BRINP3: variants seen among roughly 807,000 people sequenced by gnomAD.
BRINP3 encodes the protein BMP/retinoic acid inducible neural specific 3.
BRINP3 carries 19 observed loss-of-function variants against 71.0 expected under a neutral mutation model. The ratio of observed to expected loss-of-function variants is 0.27; its 90% confidence interval spans 0.19 to 0.39. The LOEUF is 0.39. Ranked by LOEUF, BRINP3 falls within the 10% of genes least tolerant of loss-of-function variation. The pLI is 1.00. For synonymous variants in BRINP3, 380 were observed against 337.7 expected (o/e 1.13, Z -1.37); for missense variants, 959 against 940.8 (o/e 1.02, Z -0.25).
intron 7 of BRINP3, among the ~76,000 whole-genome samples, chr1:190,131,749 T>C (rs543432525): frequency 6.6e-6 from 1 of 152,232 alleles, no homozygotes; most frequent in Admixed American, 6.6e-5. Flanking sequence ...CAGCTCTCCA[T>C]GATCTTGCTC....
chr1:190,160,862 T>A lies in BRINP3; in HGVS notation c.990A>T (p.Leu330=). ...ATGTGTTGAGGAAATAATTCATAGG[T>A]AGCCTTTTCATAAATAACTTGAATT... ...SDEFKLFMKR[L]PMNYFLNTST... is the part of the protein sequence containing the mutation. The change falls in exon 7 of 8, where the codon CTA becomes CTT. Residue 330 remains leucine (L), a synonymous_variant. Transcript: ENST00000367462. The A allele has an allele frequency of 6.2e-7, 1 of 1,606,494 alleles. No individual in the cohort carries two copies. The highest frequency in any genetic ancestry group is 2.2e-5 in the East Asian group (1 of 44,772).
chr1:190,200,138 C>G (rs1372718637), intron 6 of BRINP3, among the ~76,000 whole-genome samples: 1 of 152,080 alleles, frequency 6.6e-6, no homozygotes, highest in Non-Finnish European at 1.5e-5. Context: ...TCAGAGTCTA[C>G]CTGTGCCTTA....
At chr1:190,405,961 C>A (rs1165389268) in intron 2 of BRINP3, among the ~76,000 whole-genome samples, 1 of 152,134 alleles carries the variant, frequency 6.6e-6, no homozygotes, top group Non-Finnish European at 1.5e-5. Context: ...TCAACAAATT[C>A]CTGGTGATTT....
At chr1:190,396,690 G>A (rs566260192) in intron 2 of BRINP3, among the ~76,000 whole-genome samples, 279 of 116,682 alleles carry the variant, frequency 2.4e-3, no homozygotes, top group African/African-American at 8.5e-3. Context: ...ACAAACAAAC[G>A]CACTATGCAT....
intron 2 of BRINP3, among the ~76,000 whole-genome samples, chr1:190,320,835 C>A (rs1571739290): frequency 6.6e-6 from 1 of 152,146 alleles, no homozygotes; most frequent in East Asian, 1.9e-4. Context: ...TGAGAACGTA[C>A]AAACTCCACA....
chr1:190,351,680 A>C (rs934754613), intron 2 of BRINP3, among the ~76,000 whole-genome samples: 1 of 152,090 alleles, frequency 6.6e-6, no homozygotes, highest in Admixed American at 6.6e-5. Flanking sequence ...TAAGGTTTCT[A>C]TTAATTTCTA....
intron 4 of BRINP3, among the ~76,000 whole-genome samples, chr1:190,244,803 A>G (rs758308908): frequency 6.6e-6 from 1 of 152,086 alleles, no homozygotes; most frequent in Non-Finnish European, 1.5e-5. Flanking sequence ...CCAGTATAGT[A>G]TATTAGAACA....
At chr1:190,137,133 C>T (rs900062967) in intron 7 of BRINP3, among the ~76,000 whole-genome samples, 2 of 151,828 alleles carry the variant, frequency 1.3e-5, no homozygotes, top group Non-Finnish European at 2.9e-5. Flanking sequence ...TGACTCTTTT[C>T]GAATAAAACA....
intron 2 of BRINP3, among the ~76,000 whole-genome samples, chr1:190,365,180 T>C (rs1213574257): frequency 6.6e-6 from 1 of 152,120 alleles, no homozygotes; most frequent in African/African-American, 2.4e-5. Context: ...ATCAGAATCC[T>C]GCCTGACTCC....
intron 2 of BRINP3, among the ~76,000 whole-genome samples, chr1:190,442,408 T>A (rs549768181): frequency 5.4e-4 from 82 of 152,176 alleles, no homozygotes; most frequent in Non-Finnish European, 8.7e-4. Flanking sequence ...GTTTAATTAG[T>A]TAGCTACTAA....
At chr1:190,136,326 C>T (rs1047371123) in intron 7 of BRINP3, among the ~76,000 whole-genome samples, 3 of 151,996 alleles carry the variant, frequency 2.0e-5, no homozygotes, top group Non-Finnish European at 2.9e-5. Flanking sequence ...TTGTTTAACA[C>T]ATTGATTGGG....
chr1:190,120,401 C>A lies in BRINP3; in HGVS notation c.1185-21267G>T, dbSNP rs533558230. ...AAAACAGCAGGTTCATTGATTATGACACATTAATATTGTCATATAACTACT... is the reference window on the plus strand; with the variant it reads ...AAAACAGCAGGTTCATTGATTATGAAACATTAATATTGTCATATAACTACT... On this transcript the variant is annotated intron_variant, in intron 7 of 7. Transcript: ENST00000367462. 7.8e-4 allele frequency among the ~76,000 whole-genome samples: 119 copies of A among 152,206 alleles called. 1 individual carries two copies. The highest frequency in any genetic ancestry group is 2.8e-3 in the African/African-American group (118 of 41,516).
At position 190,179,733 on chromosome 1, in the gene BRINP3, A is replaced by T. The variant is rs891416708; in HGVS notation, c.962-18843T>A. 5.9e-5 allele frequency among the ~76,000 whole-genome samples: 9 copies of T among 152,268 alleles called. No individual in the cohort carries two copies. In the East Asian group the frequency reaches 1.7e-3, roughly 29 times the overall value. ...TCCAGTAAAATGCATCTGCTGTGGG[A>T]AATAGTTAGGACAATTTATCTACTA... On this transcript the variant is annotated intron_variant, in intron 6 of 7. Coordinates refer to ENST00000367462, the MANE Select transcript of BRINP3 (RefSeq NM_199051.3).
At chr1:190,204,580 C>T (rs1655329810) in intron 6 of BRINP3, among the ~76,000 whole-genome samples, 1 of 151,858 alleles carries the variant, frequency 6.6e-6, no homozygotes, top group African/African-American at 2.4e-5. Context: ...GAATGTCCTG[C>T]CTTCAGAAAA....
At chr1:190,233,806 T>C (rs1200201857) in intron 5 of BRINP3, among the ~76,000 whole-genome samples, 1 of 152,202 alleles carries the variant, frequency 6.6e-6, no homozygotes, top group Non-Finnish European at 1.5e-5. Flanking sequence ...AATAAAATAC[T>C]CTTTATTGAA....
At chr1:190,467,058 T>C (rs1218007137) in intron 1 of BRINP3, among the ~76,000 whole-genome samples, 1 of 151,542 alleles carries the variant, frequency 6.6e-6, no homozygotes, top group Non-Finnish European at 1.5e-5. Context: ...CATTTCTCTT[T>C]AATAGTTATT....
At chr1:190,357,633 G>A (rs1303242353) in intron 2 of BRINP3, among the ~76,000 whole-genome samples, 1 of 151,928 alleles carries the variant, frequency 6.6e-6, no homozygotes, top group Non-Finnish European at 1.5e-5. Flanking sequence ...TTTGGCTTAG[G>A]ATTGTCTTGG....
At chr1:190,373,044 A>T (rs759384881) in intron 2 of BRINP3, among the ~76,000 whole-genome samples, 7 of 152,192 alleles carry the variant, frequency 4.6e-5, no homozygotes, top group Non-Finnish European at 1.0e-4. Flanking sequence ...ATAGCTGAGA[A>T]GAAAATTAGA....
intron 2 of BRINP3, among the ~76,000 whole-genome samples, chr1:190,420,515 G>A (rs1328360697): frequency 6.6e-6 from 1 of 151,844 alleles, no homozygotes; most frequent in East Asian, 1.9e-4. Flanking sequence ...CCCTCTAAAA[G>A]AAGATTTCAC....
Sources: allele counts gnomAD v4.1 joint callset (sites outside exome capture counted in the v4.1 genomes callset), GRCh38; gene constraint gnomAD v4.1.1; transcripts MANE v1.5; gene names NCBI Gene and HGNC (gene_info 2026-07-23, HGNC 2026-07-21).